CERS6: variants seen among roughly 807,000 people sequenced by gnomAD.
CERS6 encodes the protein LAG1 homolog, ceramide synthase 6.
Under a neutral mutation model 56.8 loss-of-function variants are expected in CERS6, and 26 were observed. That is an observed-to-expected ratio of 0.46 (90% CI 0.34 to 0.63). The LOEUF (loss-of-function observed/expected upper bound fraction) is 0.63. Among genes scored for constraint, CERS6 ranks in the 30% least tolerant of loss-of-function variants. The pLI is 0.01. For missense variants in CERS6, 415 were observed against 467.5 expected, an observed-to-expected ratio of 0.89 and a Z score of 1.04; for synonymous variants, 164 against 173.3, an observed-to-expected ratio of 0.95 and a Z score of 0.42.
In CERS6 at chr2:168,715,050, C is replaced by T. The variant is rs1403655264; in HGVS notation, c.659C>T (p.Thr220Ile). The T allele has an allele frequency of 6.2e-7, 1 of 1,611,002 alleles. No individual in the cohort carries two copies. Among genetic ancestry groups the T allele is most frequent in the African/African-American group, 1.3e-5 (1 of 74,740 alleles). Reference protein sequence around the residue: ...LHHLVSIFLITFSYVNNMARV... With the variant: ...LHHLVSIFLIIFSYVNNMARV... ...CACCTTGTATCTATTTTCTTGATTA[C>T]CTTTTCATATGTCAACAATATGGCC... Residue 220 changes from threonine (T) to isoleucine (I), a missense_variant, in exon 7 of 10, where the codon ACC (threonine) becomes ATC (isoleucine). Thr to Ile is a moderately conservative substitution (Grantham distance 89). Transcript: ENST00000305747.
At chr2:168,541,516 G>C (rs1214643472) in intron 1 of CERS6, among the ~76,000 whole-genome samples, 5 of 149,830 alleles carry the variant, frequency 3.3e-5, no homozygotes, top group Non-Finnish European at 5.9e-5. Context: ...CAGGTTCACT[G>C]AATTTTTCCT....
rs1357444389 is a variant in CERS6 at position 168,769,845 on chromosome 2, C to T, written c.*183C>T. On this transcript the variant is annotated 3_prime_UTR_variant, in exon 10 of 10. Transcript: ENST00000305747. ...GTGAATGAAGAAGAATTACCATTCTCTCTTTGTAGGCATGCTGTATGTAAT... is the reference window on the plus strand; with the variant it reads ...GTGAATGAAGAAGAATTACCATTCTTTCTTTGTAGGCATGCTGTATGTAAT... The T allele has an allele frequency of 6.6e-6, 4 of 606,156 alleles. No homozygotes were observed. Among genetic ancestry groups the T allele is most frequent in the Admixed American group, 3.4e-5 (1 of 29,124 alleles). The allele number at this position is 606,156 out of a possible 1,614,324, so 37.5% of individuals were successfully genotyped here. A position where few individuals can be genotyped will look rare whatever the true frequency, so the allele number is the denominator to read the frequency against.
At chr2:168,631,621 T>A (rs1243073457) in intron 4 of CERS6, among the ~76,000 whole-genome samples, 1 of 115,490 alleles carries the variant, frequency 8.7e-6, no homozygotes, top group Non-Finnish European at 1.6e-5. Context: ...TATTTAATAT[T>A]TATATAATAT....
At chr2:168,486,518 G>GTTTTTTTTTTTTTTTTTTTTT (rs1491580943) in intron 1 of CERS6, among the ~76,000 whole-genome samples, 62 of 136,252 alleles carry the variant, frequency 4.6e-4, no homozygotes, top group East Asian at 1.3e-3. Context: ...GTCTAGATTT[G>GTTTTTTTTTTTTTTTTTTTTT]GTTTTGTTTT....
chr2:168,640,458 T>A (rs945522133), intron 4 of CERS6, among the ~76,000 whole-genome samples: 2 of 152,230 alleles, frequency 1.3e-5, no homozygotes, highest in African/African-American at 4.8e-5. Flanking sequence ...TCTTTAAGAA[T>A]CTGTTGAGCA....
intron 1 of CERS6, among the ~76,000 whole-genome samples, chr2:168,485,975 C>A (rs1257114938): frequency 6.6e-6 from 1 of 152,158 alleles, no homozygotes; most frequent in Admixed American, 6.6e-5. Context: ...TGTATTTCCA[C>A]CAACAGTGCA....
chr2:168,667,860 A>T (rs1465441831), intron 4 of CERS6, among the ~76,000 whole-genome samples: 1 of 152,206 alleles, frequency 6.6e-6, no homozygotes, highest in African/African-American at 2.4e-5. Context: ...TAAAATGGAT[A>T]CATATTGTGA....
intron 2 of CERS6, among the ~76,000 whole-genome samples, chr2:168,556,554 G>C (rs1229929776): frequency 6.6e-6 from 1 of 151,976 alleles, no homozygotes; most frequent in Non-Finnish European, 1.5e-5. Context: ...GAACTAGCAA[G>C]AGAAAGAAAA....
chr2:168,707,158 A>C (rs1686977621), intron 6 of CERS6, among the ~76,000 whole-genome samples: 1 of 152,228 alleles, frequency 6.6e-6, no homozygotes, highest in South Asian at 2.1e-4. Context: ...GATAGTAACC[A>C]CAGAAAATTC....
chr2:168,528,646 A>G (rs2105360826), intron 1 of CERS6, among the ~76,000 whole-genome samples: 1 of 5,032 alleles, frequency 2.0e-4, no homozygotes, highest in South Asian at 0.019. Flanking sequence ...TTGTAGAAGA[A>G]CTAGAGGTTC....
In CERS6 at chr2:168,690,629, T is replaced by C. The variant is rs567114423; in HGVS notation, c.466-405T>C. On this transcript the variant is annotated intron_variant, in intron 4 of 9. Coordinates refer to ENST00000305747, the MANE Select transcript of CERS6 (RefSeq NM_203463.3). ...CTTGGTAAACATTGAGTCTGAGGAG[T>C]TTCAGGGCAGTTTATACTAGCTGTC... Among the ~76,000 whole-genome samples, 5 of 151,642 alleles carry C rather than the reference T, an allele frequency of 3.3e-5. No individual in the cohort carries two copies. The South Asian group carries it at 1.0e-3, about 32-fold the overall frequency.
intron 4 of CERS6, among the ~76,000 whole-genome samples, chr2:168,682,574 T>C (rs1201115966): frequency 6.6e-6 from 1 of 152,118 alleles, no homozygotes; most frequent in African/African-American, 2.4e-5. Flanking sequence ...CCACATGACA[T>C]ACAAGCTGGG....
At chr2:168,584,714 G>C (rs1237220898) in intron 3 of CERS6, among the ~76,000 whole-genome samples, 2 of 152,208 alleles carry the variant, frequency 1.3e-5, no homozygotes, top group Non-Finnish European at 2.9e-5. Context: ...CACTGAAATT[G>C]AGAGGTACTC....
intron 1 of CERS6, among the ~76,000 whole-genome samples, chr2:168,488,313 A>G (rs1476664033): frequency 6.6e-6 from 1 of 152,190 alleles, no homozygotes; most frequent in Non-Finnish European, 1.5e-5. Flanking sequence ...GCATAGAGGA[A>G]TGAAAAATTG....
chr2:168,583,182 T>A (rs73969274), intron 3 of CERS6, among the ~76,000 whole-genome samples: 1,733 of 152,212 alleles, frequency 0.011, 33 homozygotes, highest in African/African-American at 0.039. Flanking sequence ...ATTTTGAACC[T>A]TAGAAATATG....
At chr2:168,471,588 C>T (rs1269148270) in intron 1 of CERS6, among the ~76,000 whole-genome samples, 1 of 152,168 alleles carries the variant, frequency 6.6e-6, no homozygotes, top group East Asian at 1.9e-4. Context: ...CTGTTTCCCC[C>T]TTTTTCAGAG....
chr2:168,734,692 T>A (rs906428371), intron 8 of CERS6, among the ~76,000 whole-genome samples: 1 of 152,244 alleles, frequency 6.6e-6, no homozygotes, highest in Non-Finnish European at 1.5e-5. Flanking sequence ...ACAGTGATGA[T>A]GAACTCATTC....
intron 6 of CERS6, among the ~76,000 whole-genome samples, chr2:168,704,332 TC>T (rs1559059782): frequency 6.6e-6 from 1 of 151,872 alleles, no homozygotes; most frequent in African/African-American, 2.4e-5. Context: ...TAAATTCGGG[TC>T]CTCAGGAGTC....
intron 4 of CERS6, among the ~76,000 whole-genome samples, chr2:168,658,223 A>G (rs1414755602): frequency 6.6e-6 from 1 of 152,186 alleles, no homozygotes; most frequent in Admixed American, 6.5e-5. Flanking sequence ...TTTATACTCA[A>G]TATAAATAAT....
Sources: gnomAD v4.1 joint callset for allele counts (sites outside exome capture counted in the v4.1 genomes callset) on GRCh38, gnomAD v4.1.1 for gene constraint, MANE v1.5 for transcripts, NCBI Gene and HGNC (gene_info 2026-07-23, HGNC 2026-07-21) for gene names.